Variants in PTPRD observed in about 807,000 individuals in gnomAD.
PTPRD encodes receptor-type tyrosine-protein phosphatase delta.
Under a neutral mutation model 214.5 loss-of-function variants are expected in PTPRD, and 34 were observed. The ratio of observed to expected loss-of-function variants is 0.16; its 90% confidence interval spans 0.12 to 0.21. PTPRD has a LOEUF of 0.21. PTPRD is among the 10% of genes least tolerant of loss of function. The pLI is 1.00. For synonymous variants in PTPRD, 1,128 were observed against 845.7 expected, an observed-to-expected ratio of 1.33 and a Z score of -5.79; for missense variants, 2,545 against 2,398.7, an observed-to-expected ratio of 1.06 and a Z score of -1.27.
At chr9:10,532,132 T>C (rs1051086920) in intron 2 of PTPRD, 2 of 152,154 alleles carry the variant, frequency 1.3e-5, no homozygotes, top group Non-Finnish European at 2.9e-5. Context: ...ATATATAAGA[T>C]TTTAGATTAC....
At chr9:8,322,550 A>C (rs1829457472) in intron 44 of PTPRD, among the ~76,000 whole-genome samples, 1 of 152,168 alleles carries the variant, frequency 6.6e-6, no homozygotes, top group Non-Finnish European at 1.5e-5. Flanking sequence ...AATTCTATGA[A>C]GGCTGGGAGG....
intron 7 of PTPRD, among the ~76,000 whole-genome samples, chr9:9,576,980 T>G (rs1006851282): frequency 6.6e-6 from 1 of 152,174 alleles, no homozygotes; most frequent in Non-Finnish European, 1.5e-5. Context: ...ACTGAATATT[T>G]TGATATTAAC....
intron 10 of PTPRD, among the ~76,000 whole-genome samples, chr9:9,041,328 A>G (rs920721593): frequency 6.6e-6 from 1 of 152,068 alleles, no homozygotes; most frequent in African/African-American, 2.4e-5. Context: ...TAAGCCTAGT[A>G]CCCATTAGTT....
chr9:9,397,012 T>A (rs186331706), intron 9 of PTPRD, among the ~76,000 whole-genome samples: 1 of 152,170 alleles, frequency 6.6e-6, no homozygotes, highest in Non-Finnish European at 1.5e-5. Context: ...GGCAATTATG[T>A]AAGCTAAGGA....
intron 5 of PTPRD, among the ~76,000 whole-genome samples, chr9:9,925,450 A>T (rs987601463): frequency 2.8e-4 from 43 of 152,132 alleles, no homozygotes; most frequent in African/African-American, 7.2e-5. Context: ...GAGGTTCTAT[A>T]TTATATAAAT....
chr9:9,394,440 A>G (rs2066992356), intron 9 of PTPRD, among the ~76,000 whole-genome samples: 1 of 152,174 alleles, frequency 6.6e-6, no homozygotes, highest in Non-Finnish European at 1.5e-5. Context: ...AACTGATTGG[A>G]AGTTTACAGG....
intron 8 of PTPRD, among the ~76,000 whole-genome samples, chr9:9,462,745 A>C (rs1375505742): frequency 6.6e-6 from 1 of 152,116 alleles, no homozygotes; most frequent in Non-Finnish European, 1.5e-5. Context: ...GAAAAATGAC[A>C]GTGCTCACAC....
At chr9:8,598,271 G>A (rs1055100317) in intron 14 of PTPRD, among the ~76,000 whole-genome samples, 10 of 152,052 alleles carry the variant, frequency 6.6e-5, no homozygotes, top group African/African-American at 2.4e-4. Flanking sequence ...GGCCAACATG[G>A]TGAAACCCTG....
intron 9 of PTPRD, among the ~76,000 whole-genome samples, chr9:9,308,325 T>C (rs757234877): frequency 7.2e-4 from 110 of 152,224 alleles, no homozygotes; most frequent in Non-Finnish European, 1.2e-3. Flanking sequence ...CGTGTTTGTA[T>C]ACTTACAGGC....
chr9:9,986,240 A>T (rs926086220), intron 4 of PTPRD, among the ~76,000 whole-genome samples: 2 of 152,158 alleles, frequency 1.3e-5, no homozygotes, highest in African/African-American at 4.8e-5. Context: ...TTCTGATCCA[A>T]AAATTCCACA....
rs535929442 is a variant in PTPRD, at chr9:8,870,120, A to G, written c.-103-136174T>C. On this transcript the variant is annotated intron_variant, in intron 11 of 45. Transcript: ENST00000381196. ...TTTGTGTTGGTATATATCTCTTTCC[A>G]TCAGTTAAAAAAAAAAAAAAAAGGT... Among the ~76,000 whole-genome samples, 290 of 140,306 alleles carry G rather than the reference A, an allele frequency of 2.1e-3. 3 individuals are homozygous for G. The highest frequency in any genetic ancestry group is 7.9e-3 in the African/African-American group (278 of 35,342). 92.0% of individuals were successfully genotyped at this position (140,306 alleles called of 152,430 possible).
intron 5 of PTPRD, among the ~76,000 whole-genome samples, chr9:9,896,162 A>G (rs2074921705): frequency 6.6e-6 from 1 of 152,060 alleles, no homozygotes; most frequent in Admixed American, 6.6e-5. Context: ...ACAACCATAC[A>G]CACATACACA....
chr9:9,244,059 C>T (rs1186961205), intron 9 of PTPRD, among the ~76,000 whole-genome samples: 1 of 152,068 alleles, frequency 6.6e-6, no homozygotes, highest in Admixed American at 6.6e-5. Flanking sequence ...GAATAAAATA[C>T]CTAGGAATCC....
At chr9:9,171,662 G>T (rs1407776561) in intron 10 of PTPRD, among the ~76,000 whole-genome samples, 1 of 151,884 alleles carries the variant, frequency 6.6e-6, no homozygotes, top group Non-Finnish European at 1.5e-5. Context: ...AAGAGAGACT[G>T]CAGGTAGACA....
At chr9:10,124,710 G>C (rs1280738972) in intron 3 of PTPRD, among the ~76,000 whole-genome samples, 1 of 151,576 alleles carries the variant, frequency 6.6e-6, no homozygotes, top group Admixed American at 6.6e-5. Flanking sequence ...AATTATTATT[G>C]TTTCTGCTAA....
intron 12 of PTPRD, among the ~76,000 whole-genome samples, chr9:8,679,825 G>A (rs2097515494): frequency 6.6e-6 from 1 of 152,184 alleles, no homozygotes; most frequent in African/African-American, 2.4e-5. Context: ...GATAGCTTAT[G>A]ACTGTTGAGC....
At chr9:9,200,131 G>A (rs529706916) in intron 9 of PTPRD, among the ~76,000 whole-genome samples, 2 of 152,290 alleles carry the variant, frequency 1.3e-5, no homozygotes, top group South Asian at 2.1e-4. Flanking sequence ...TGCTCCTACT[G>A]GGAGCCATTT....
chr9:10,338,242 A>G (rs2096877634), intron 3 of PTPRD, among the ~76,000 whole-genome samples: 1 of 151,594 alleles, frequency 6.6e-6, no homozygotes, highest in Non-Finnish European at 1.5e-5. Flanking sequence ...CATGTATAGT[A>G]AGTGCTATAG....
At chr9:8,862,313 G>C (rs2098121315) in intron 11 of PTPRD, 1 of 152,258 alleles carries the variant, frequency 6.6e-6, no homozygotes, top group South Asian at 2.1e-4. Flanking sequence ...CCGAGATCAC[G>C]CCATTGCACT....
Sources: allele counts gnomAD v4.1 joint callset (sites outside exome capture counted in the v4.1 genomes callset), GRCh38; gene constraint gnomAD v4.1.1; transcripts MANE v1.5; gene names NCBI Gene and HGNC (gene_info 2026-07-23, HGNC 2026-07-21).